DYNC2H1: variants seen among roughly 807,000 people sequenced by gnomAD.
DYNC2H1 encodes the protein cytoplasmic dynein 2 heavy chain 1.
DYNC2H1 carries 410 observed loss-of-function variants against 570.0 expected under a neutral mutation model. The observed-to-expected ratio is 0.72, with a 90% CI of 0.66 to 0.78. The LOEUF (loss-of-function observed/expected upper bound fraction) is 0.78. Ranked by LOEUF, DYNC2H1 falls within the 30% of genes least tolerant of loss-of-function variation. DYNC2H1 has a pLI of 0.00. For missense variants in DYNC2H1, 4,865 were observed against 5,046.4 expected (o/e 0.96, Z 1.09); for synonymous variants, 1,688 against 1,677.6 (o/e 1.01, Z -0.15).
chr11:103,462,882 G>A (rs1353839390), intron 87 of DYNC2H1, among the ~76,000 whole-genome samples: 1 of 151,844 alleles, frequency 6.6e-6, no homozygotes, highest in African/African-American at 2.4e-5. Context: ...ATGAGGAGGG[G>A]GTAAACCTTA....
rs1242381994 is a variant in DYNC2H1 at position 103,234,092 on chromosome 11, G to A, written c.9499G>A (p.Glu3167Lys). 1 of 1,570,252 alleles carries A rather than the reference G, an allele frequency of 6.4e-7. No individual in the cohort carries two copies. The highest frequency in any genetic ancestry group is 8.6e-7 in the Non-Finnish European group (1 of 1,156,500). Residue 3167 changes from glutamate to lysine, a missense_variant, in exon 61 of 89, where the codon GAA (glutamate) becomes AAA (lysine). Glu to Lys is a moderately conservative substitution (Grantham distance 56, BLOSUM62 1). Around this residue, in one of 5 missense-constraint regions of DYNC2H1, gnomAD observed 2,401 missense variants for 2,454.6 expected, o/e 0.98. Transcript: ENST00000375735. ...TGAGGCTGAAGTAAGCAAGGCACAA[G>A]AAACAATCAAAGCTGCAGAAGTCTT... ...KLEAEVSKAQETIKAAEVLIN... is the reference protein window; with the variant it reads ...KLEAEVSKAQKTIKAAEVLIN...
In DYNC2H1 at chr11:103,156,575, C is replaced by A; in HGVS notation, c.3932C>A (p.Ser1311Tyr). The part of the protein sequence containing the change: ...QVGDNRCLLQ[S>Y]LKDSPYYKGF... The stretch of plus-strand genomic sequence containing the variant: ...GGAGATAATAGATGCCTTCTCCAAT[C>A]CTTAAAGGATTCTCCTTATTATAAA... The change falls in exon 26 of 89, where the codon TCC becomes TAC. Residue 1311 changes from serine to tyrosine, a missense_variant. Physicochemically the swap from Ser to Tyr is moderately radical, Grantham distance 144. Around this residue, in one of 5 missense-constraint regions of DYNC2H1, gnomAD observed 1,936 missense variants for 1,962.1 expected, o/e 0.99. Transcript: ENST00000375735. The A allele has an allele frequency of 6.2e-7, 1 of 1,613,578 alleles. No homozygotes were observed. Among genetic ancestry groups the A allele is most frequent in the Non-Finnish European group, 8.5e-7 (1 of 1,179,684 alleles).
At chr11:103,198,093 G>C in intron 48 of DYNC2H1, 30 bp downstream of exon 48, 3 of 1,544,100 alleles carry the variant, frequency 1.9e-6, no homozygotes, top group Non-Finnish European at 2.6e-6. Flanking sequence ...TTGGAACTGG[G>C]ATTTGGTCAT....
At position 103,199,589 on chromosome 11, in the gene DYNC2H1, T is replaced by A; in HGVS notation, c.8088+113T>A. ...GAACTAAAGTTTTAAAGAACATCTT[T>A]AAAGAACTAAAGTTCTCTGTTATAC... On this transcript the variant is annotated intron_variant, in intron 49 of 88. Transcript: ENST00000375735. The surrounding 1 kb of genome is among the most constrained non-coding windows in gnomAD (Gnocchi z 4.6). 1 of 989,788 alleles carries A rather than the reference T, an allele frequency of 1.0e-6. No individual in the cohort carries two copies. The highest frequency in any genetic ancestry group is 1.4e-6 in the Non-Finnish European group (1 of 730,200). The allele number at this position is 989,788 out of a possible 1,614,324, so 61.3% of individuals were successfully genotyped here.
chr11:103,419,172 T>C (rs1418738539), intron 84 of DYNC2H1, among the ~76,000 whole-genome samples: 1 of 152,122 alleles, frequency 6.6e-6, no homozygotes, highest in Admixed American at 6.6e-5. Context: ...GTGGCGGCCG[T>C]CTCTGCGATT....
rs1297329914 is a variant in DYNC2H1 at position 103,256,061 on chromosome 11, T to C, written c.10327-45T>C. On this transcript the variant is annotated intron_variant, in intron 67 of 88. Coordinates refer to ENST00000375735, the MANE Select transcript of DYNC2H1 (RefSeq NM_001377.3). The surrounding 1 kb of genome is among the most constrained non-coding windows in gnomAD (Gnocchi z 4.0). ...AATATGGGTTTGCTTTAATTGGTTA[T>C]TTTTATATGTATAATAATATTCATA... 1 of 1,496,698 alleles carries C rather than the reference T, an allele frequency of 6.7e-7. No individual in the cohort carries two copies. Among genetic ancestry groups the C allele is most frequent in the Non-Finnish European group, 9.0e-7 (1 of 1,113,434 alleles). 92.7% of individuals were successfully genotyped at this position (1,496,698 alleles called of 1,614,324 possible).
chr11:103,116,130 T>A (rs1472268359), intron 4 of DYNC2H1, among the ~76,000 whole-genome samples: 1 of 142,088 alleles, frequency 7.0e-6, no homozygotes, highest in Admixed American at 6.7e-5. Flanking sequence ...GGTTTTAAGC[T>A]TTTTTTGGTA....
rs566481338 is a variant in DYNC2H1 at position 103,256,549 on chromosome 11, T to C, written c.10461+309T>C. Among the ~76,000 whole-genome samples the C allele has an allele frequency of 6.6e-6, 1 of 152,324 alleles. No homozygotes were observed. The highest frequency in any genetic ancestry group is 2.1e-4 in the South Asian group (1 of 4,824). On this transcript the variant is annotated intron_variant, in intron 68 of 88. Transcript: ENST00000375735. The surrounding 1 kb of genome is among the most constrained non-coding windows in gnomAD (Gnocchi z 4.0). ...AAATGAGTATATTGAAAATGAGTAT[T>C]AGAGAATATCTTTGCCGTTCTTAGA...
chr11:103,260,297 A>G (rs1865220073), intron 70 of DYNC2H1, among the ~76,000 whole-genome samples: 1 of 152,152 alleles, frequency 6.6e-6, no homozygotes, highest in Non-Finnish European at 1.5e-5. Flanking sequence ...AGCAACTGAC[A>G]TTTTGGGCTA....
intron 85 of DYNC2H1, among the ~76,000 whole-genome samples, chr11:103,453,397 G>A (rs950185442): frequency 5.9e-5 from 9 of 151,708 alleles, no homozygotes; most frequent in South Asian, 2.1e-4. Context: ...GCACTGTGAC[G>A]TTTGCTGTTC....
chr11:103,181,997 G>A lies in DYNC2H1; in HGVS notation c.6477+111G>A, dbSNP rs1178748382. The stretch of plus-strand genomic sequence containing the variant: ...CTCTGCTGGAATGTGGGTGTGAGGT[G>A]AGAGGTGGATTTTGTCACTGCTACT... On this transcript the variant is annotated intron_variant, in intron 40 of 88. Coordinates refer to ENST00000375735, the MANE Select transcript of DYNC2H1 (RefSeq NM_001377.3). The surrounding 1 kb of genome is among the most constrained non-coding windows in gnomAD (Gnocchi z 5.0). The A allele has an allele frequency of 1.6e-6, 2 of 1,220,648 alleles. No individual in the cohort carries two copies. Among genetic ancestry groups the A allele is most frequent in the Non-Finnish European group, 2.3e-6 (2 of 888,094 alleles). The allele number at this position is 1,220,648 out of a possible 1,614,324, so 75.6% of individuals were successfully genotyped here.
intron 79 of DYNC2H1, among the ~76,000 whole-genome samples, chr11:103,312,477 G>T (rs1867639156): frequency 6.9e-6 from 1 of 145,472 alleles, no homozygotes; most frequent in Admixed American, 6.8e-5. Flanking sequence ...AGGAGGCAGA[G>T]GTTGCAGTGA....
chr11:103,392,054 G>A (rs1427155526), intron 83 of DYNC2H1, among the ~76,000 whole-genome samples: 1 of 152,224 alleles, frequency 6.6e-6, no homozygotes, highest in Non-Finnish European at 1.5e-5. Flanking sequence ...GTCCGCAGAG[G>A]ACATTTCTGC....
chr11:103,236,678 A>G lies in DYNC2H1; in HGVS notation c.9819+139A>G, dbSNP rs567973907. On this transcript the variant is annotated intron_variant, in intron 63 of 88. Coordinates refer to ENST00000375735, the MANE Select transcript of DYNC2H1 (RefSeq NM_001377.3). ...AAAAATATTTTGCTAATGAAAACCCATCAATGATTCAGTTAGTGAGTGTAA... is the reference window on the plus strand; with the variant it reads ...AAAAATATTTTGCTAATGAAAACCCGTCAATGATTCAGTTAGTGAGTGTAA... The G allele has an allele frequency of 1.1e-4, 55 of 478,998 alleles. 1 individual carries two copies. In the South Asian group the frequency reaches 1.6e-3, roughly 14 times the overall value. The allele number at this position is 478,998 out of a possible 1,614,324, so 29.7% of individuals were successfully genotyped here. A position where few individuals can be genotyped will look rare whatever the true frequency, so the allele number is the denominator to read the frequency against.
intron 17 of DYNC2H1, among the ~76,000 whole-genome samples, chr11:103,139,118 G>A (rs1338658163): frequency 6.6e-6 from 1 of 151,514 alleles, no homozygotes; most frequent in Non-Finnish European, 1.5e-5. Context: ...TTCTTTATTA[G>A]TCTTGCTAGC....
chr11:103,453,149 G>A (rs1303787889), intron 85 of DYNC2H1, among the ~76,000 whole-genome samples: 1 of 151,964 alleles, frequency 6.6e-6, no homozygotes, highest in Non-Finnish European at 1.5e-5. Flanking sequence ...GTCATAGAAG[G>A]GACTAGAGGT....
chr11:103,378,473 C>A (rs1053339923), intron 83 of DYNC2H1, among the ~76,000 whole-genome samples: 1 of 152,132 alleles, frequency 6.6e-6, no homozygotes, highest in African/African-American at 2.4e-5. Flanking sequence ...TGGGATACTG[C>A]AAATGGAGAG....
At chr11:103,375,857 G>C (rs1051822656) in intron 83 of DYNC2H1, among the ~76,000 whole-genome samples, 2 of 152,128 alleles carry the variant, frequency 1.3e-5, no homozygotes, top group African/African-American at 2.4e-5. Flanking sequence ...TAAGACTTTG[G>C]GGGACTGTTG....
intron 63 of DYNC2H1, among the ~76,000 whole-genome samples, chr11:103,242,328 T>C (rs760791750): frequency 3.3e-5 from 5 of 152,158 alleles, no homozygotes; most frequent in Non-Finnish European, 5.9e-5. Flanking sequence ...AACAGTATAC[T>C]GTAATAAAAG....
Sources: gnomAD v4.1 joint callset for allele counts (sites outside exome capture counted in the v4.1 genomes callset) on GRCh38, gnomAD v4.1.1 for gene constraint, gnomAD v4.1.1 regional missense constraint, Gnocchi (gnomAD v3.1) non-coding constraint, MANE v1.5 for transcripts, NCBI Gene and HGNC (gene_info 2026-07-23, HGNC 2026-07-21) for gene names.